Variants in CCDC7 observed in about 807,000 individuals in gnomAD.
CCDC7 encodes coiled-coil domain containing 7, also known as coiled-coil domain-containing protein 7.
In CCDC7, 183 loss-of-function variants were observed where a neutral mutation model predicts 196.9. That is an observed-to-expected ratio of 0.93 (90% CI 0.82 to 1.05). The LOEUF (loss-of-function observed/expected upper bound fraction) is 1.05. Ranked by LOEUF, CCDC7 falls within the 50% of genes least tolerant of loss-of-function variation. CCDC7 has a pLI of 0.00. For missense variants in CCDC7, 1,540 were observed against 1,482.2 expected, an observed-to-expected ratio of 1.04 and a Z score of -0.64; for synonymous variants, 525 against 484.6, an observed-to-expected ratio of 1.08 and a Z score of -1.10.
At chr10:32,640,864 C>CTTTTT (rs753769301) in intron 20 of CCDC7, among the ~76,000 whole-genome samples, 13,708 of 71,788 alleles carry the variant, frequency 0.19, 1,298 homozygotes, top group South Asian at 0.32. Context: ...TGTAGATTTT[C>CTTTTT]TTTTTTTTTT....
chr10:32,602,587 TTTTA>T (rs1283823945), intron 18 of CCDC7, among the ~76,000 whole-genome samples: 2 of 152,162 alleles, frequency 1.3e-5, no homozygotes, highest in African/African-American at 4.8e-5. Flanking sequence ...CTATGCTTAA[TTTTA>T]TTTATTTATT....
intron 24 of CCDC7, among the ~76,000 whole-genome samples, chr10:32,704,683 T>C (rs1244362246): frequency 6.6e-6 from 1 of 152,140 alleles, no homozygotes; most frequent in South Asian, 2.1e-4. Flanking sequence ...AGCCGCTTTT[T>C]TTAGCTACTC....
chr10:32,586,962 T>C (rs1182015398), intron 18 of CCDC7, among the ~76,000 whole-genome samples: 1 of 152,250 alleles, frequency 6.6e-6, no homozygotes, highest in African/African-American at 2.4e-5. Context: ...TGATCCATTG[T>C]CTGAGCTAAA....
chr10:32,589,390 A>T (rs2059581099), intron 18 of CCDC7, among the ~76,000 whole-genome samples: 1 of 152,060 alleles, frequency 6.6e-6, no homozygotes, highest in Non-Finnish European at 1.5e-5. Flanking sequence ...TTCTTTATTC[A>T]TTCATCTGTT....
chr10:32,616,551 GT>G (rs35565255), intron 18 of CCDC7, among the ~76,000 whole-genome samples: 146 of 143,982 alleles, frequency 1.0e-3, no homozygotes, highest in Non-Finnish European at 1.1e-3. Context: ...AATCTAAGAG[GT>G]TTTTTTTTTT....
At chr10:32,705,784 G>A (rs181396955) in intron 24 of CCDC7, among the ~76,000 whole-genome samples, 170 of 152,144 alleles carry the variant, frequency 1.1e-3, no homozygotes, top group Admixed American at 1.8e-3. Context: ...CTAAATATGT[G>A]TGCACCCAAT....
chr10:32,478,686 A>G (rs1016282277), intron 8 of CCDC7, among the ~76,000 whole-genome samples: 2 of 152,094 alleles, frequency 1.3e-5, no homozygotes, highest in Non-Finnish European at 2.9e-5. Flanking sequence ...CTTTCTATAC[A>G]TTTATGTATG....
intron 8 of CCDC7, among the ~76,000 whole-genome samples, chr10:32,489,149 T>C (rs1329089882): frequency 6.6e-6 from 1 of 152,220 alleles, no homozygotes; most frequent in African/African-American, 2.4e-5. Flanking sequence ...TAATGTCTGA[T>C]GCATGATACC....
intron 13 of CCDC7, among the ~76,000 whole-genome samples, chr10:32,545,770 G>A (rs148658023): frequency 0.04 from 6,027 of 152,062 alleles, 128 homozygotes; most frequent in Middle Eastern, 0.051. Context: ...GCTGGGCATG[G>A]TGGCACGTGC....
intron 11 of CCDC7, among the ~76,000 whole-genome samples, chr10:32,524,008 G>C (rs1051221792): frequency 3.4e-5 from 5 of 148,778 alleles, no homozygotes; most frequent in African/African-American, 1.2e-4. Flanking sequence ...GTAGGGACTT[G>C]CTCCTGCCAT....
chr10:32,469,790 CAG>C (rs1242492170), intron 5 of CCDC7, among the ~76,000 whole-genome samples: 1 of 152,064 alleles, frequency 6.6e-6, no homozygotes, highest in Non-Finnish European at 1.5e-5. Context: ...GAGGAAGAAG[CAG>C]AGAGAGATAC....
intron 9 of CCDC7, among the ~76,000 whole-genome samples, chr10:32,504,539 C>G (rs1269957120): frequency 6.6e-6 from 1 of 152,174 alleles, no homozygotes; most frequent in Non-Finnish European, 1.5e-5. Flanking sequence ...AAGTAGACAT[C>G]TATTGCAATA....
At chr10:32,789,096 C>CTTTT (rs35122018) in intron 29 of CCDC7, among the ~76,000 whole-genome samples, 5 of 124,738 alleles carry the variant, frequency 4.0e-5, no homozygotes, top group South Asian at 2.7e-4. Flanking sequence ...CGGTAAAGGG[C>CTTTT]TTTTTTTTTT....
At chr10:32,861,972 T>C (rs1373751004) in intron 41 of CCDC7, among the ~76,000 whole-genome samples, 1 of 152,202 alleles carries the variant, frequency 6.6e-6, no homozygotes, top group African/African-American at 2.4e-5. Context: ...CTGGTGGGAC[T>C]GTAAATTAGT....
chr10:32,823,391 C>T (rs761229888), intron 31 of CCDC7, among the ~76,000 whole-genome samples: 8 of 152,122 alleles, frequency 5.3e-5, no homozygotes, highest in East Asian at 1.9e-4. Context: ...CTGCCCACCT[C>T]GGCCTCCCAA....
At chr10:32,674,674 G>T (rs983753593) in intron 21 of CCDC7, among the ~76,000 whole-genome samples, 1 of 151,896 alleles carries the variant, frequency 6.6e-6, no homozygotes, top group African/African-American at 2.4e-5. Flanking sequence ...TTTGAAAGTG[G>T]AGTATTGAAG....
intron 22 of CCDC7, among the ~76,000 whole-genome samples, chr10:32,687,256 G>A (rs2076563376): frequency 6.6e-6 from 1 of 152,190 alleles, no homozygotes; most frequent in African/African-American, 2.4e-5. Context: ...GAAGAGCTGA[G>A]CAATAAGGGC....
chr10:32,875,087 A>G (rs1593742819), intron 41 of CCDC7, among the ~76,000 whole-genome samples: 1 of 151,930 alleles, frequency 6.6e-6, no homozygotes, highest in East Asian at 1.9e-4. Context: ...TGTTTCATCA[A>G]AGATCATTTG....
intron 24 of CCDC7, 22 bp downstream of exon 25, chr10:32,695,014 A>G: frequency 7.5e-7 from 1 of 1,333,460 alleles, no homozygotes. Context: ...AATTATAGAT[A>G]ACTTAAAAAT....
Sources: gnomAD v4.1 joint callset for allele counts (sites outside exome capture counted in the v4.1 genomes callset) on GRCh38, gnomAD v4.1.1 for gene constraint, MANE v1.5 for transcripts, NCBI Gene and HGNC (gene_info 2026-07-23, HGNC 2026-07-21) for gene names.